CDK14: variants seen among roughly 807,000 people sequenced by gnomAD.
CDK14 encodes the protein cyclin-dependent kinase 14.
CDK14 carries 34 observed loss-of-function variants against 60.7 expected under a neutral mutation model. The ratio of observed to expected loss-of-function variants is 0.56; its 90% CI spans 0.43 to 0.75. The LOEUF is 0.75. Among genes scored for constraint, CDK14 ranks in the 30% least tolerant of loss-of-function variants. The pLI, the probability that CDK14 is intolerant of heterozygous loss-of-function variation, is 0.00. For missense variants in CDK14, 482 were observed against 564.1 expected (o/e 0.85, Z 1.47); for synonymous variants, 197 against 203.7 (o/e 0.97, Z 0.28).
intron 10 of CDK14, among the ~76,000 whole-genome samples, chr7:91,024,276 T>C (rs67230540): frequency 0.23 from 34,919 of 152,222 alleles, 4,346 homozygotes; most frequent in Middle Eastern, 0.29. Context: ...GTCTTTGTTA[T>C]ACCTGTTTTA....
At chr7:90,933,352 C>T (rs1011349670) in intron 8 of CDK14, among the ~76,000 whole-genome samples, 1 of 151,070 alleles carries the variant, frequency 6.6e-6, no homozygotes, top group Non-Finnish European at 1.5e-5. Flanking sequence ...GATTTATAAA[C>T]GGTATTGATA....
chr7:90,875,756 C>T (rs1035591040), intron 6 of CDK14, among the ~76,000 whole-genome samples: 1 of 151,750 alleles, frequency 6.6e-6, no homozygotes, highest in Non-Finnish European at 1.5e-5. Flanking sequence ...TGTCTTTTCT[C>T]TCCCGTTTTC....
intron 3 of CDK14, among the ~76,000 whole-genome samples, chr7:90,733,414 C>T (rs1802953434): frequency 6.6e-6 from 1 of 152,080 alleles, no homozygotes; most frequent in South Asian, 2.1e-4. Flanking sequence ...TCTAATTGAT[C>T]TGTCTGATAT....
At chr7:91,115,599 GAA>G (rs1799583404) in intron 13 of CDK14, among the ~76,000 whole-genome samples, 1 of 152,100 alleles carries the variant, frequency 6.6e-6, no homozygotes, top group African/African-American at 2.4e-5. Context: ...TCCACAAGAG[GAA>G]AACACTTATG....
At chr7:90,681,802 G>C (rs1801324478) in intron 2 of CDK14, among the ~76,000 whole-genome samples, 1 of 152,046 alleles carries the variant, frequency 6.6e-6, no homozygotes, top group African/African-American at 2.4e-5. Flanking sequence ...CCTGATACTG[G>C]AATTTGTAGA....
rs573059951 is a variant in CDK14, at chr7:90,778,609, C to T, written c.465-11964C>T. ...CCTTTATGCAGCCCAGAAGGCCCTT[C>T]GTGATCTGGCTCCTGTCCTCTCTAG... On this transcript the variant is annotated intron_variant, in intron 4 of 14. Transcript: ENST00000380050. 9.2e-5 allele frequency among the ~76,000 whole-genome samples: 14 copies of T among 152,304 alleles called. No homozygotes were observed. The South Asian group carries it at 1.2e-3, about 14-fold the overall frequency.
chr7:90,984,315 T>C (rs1795318913), intron 10 of CDK14, 74 bp downstream of exon 10: 2 of 919,264 alleles, frequency 2.2e-6, no homozygotes, highest in South Asian at 1.4e-5. Flanking sequence ...TCTACAGCAG[T>C]CTGTGGAAAA....
chr7:90,786,405 A>C (rs1289896064), intron 4 of CDK14, among the ~76,000 whole-genome samples: 1 of 152,310 alleles, frequency 6.6e-6, no homozygotes, highest in East Asian at 1.9e-4. Flanking sequence ...TAATTTATTG[A>C]TTCAATTTGA....
intron 3 of CDK14, among the ~76,000 whole-genome samples, chr7:90,735,472 G>A (rs1803057248): frequency 6.6e-6 from 1 of 152,222 alleles, no homozygotes; most frequent in Admixed American, 6.5e-5. Flanking sequence ...CTAAGTCCCT[G>A]ACTTGGGGCT....
At chr7:90,785,892 C>G (rs6961883) in intron 4 of CDK14, among the ~76,000 whole-genome samples, 7,243 of 151,536 alleles carry the variant, frequency 0.048, 247 homozygotes, top group South Asian at 0.1. Flanking sequence ...GACAGAGTTT[C>G]TGAAATTGAC....
intron 6 of CDK14, among the ~76,000 whole-genome samples, chr7:90,866,027 T>C (rs892734206): frequency 2.0e-5 from 3 of 152,150 alleles, no homozygotes; most frequent in Admixed American, 6.5e-5. Flanking sequence ...TATTCTACAC[T>C]TAATATCCTG....
chr7:90,820,461 A>T (rs911808690), intron 5 of CDK14, among the ~76,000 whole-genome samples: 1 of 152,104 alleles, frequency 6.6e-6, no homozygotes, highest in African/African-American at 2.4e-5. Context: ...GTGACTTCTT[A>T]TGAGAGCTTT....
At chr7:90,971,400 A>G (rs539482348) in intron 9 of CDK14, among the ~76,000 whole-genome samples, 15 of 152,192 alleles carry the variant, frequency 9.9e-5, no homozygotes, top group South Asian at 2.1e-4. Context: ...CCCGGTGGTA[A>G]TTACTCTGCC....
intron 2 of CDK14, among the ~76,000 whole-genome samples, chr7:90,617,955 G>A (rs1248014570): frequency 1.3e-5 from 2 of 152,202 alleles, no homozygotes; most frequent in Non-Finnish European, 2.9e-5. Flanking sequence ...GTTTTAACTA[G>A]CATGTTCTGA....
At chr7:91,078,519 A>AT (rs1334691395) in intron 11 of CDK14, among the ~76,000 whole-genome samples, 3 of 152,198 alleles carry the variant, frequency 2.0e-5, no homozygotes, top group African/African-American at 7.2e-5. Context: ...AGGCAGGAGA[A>AT]TCGCTTGAAT....
At chr7:90,911,777 G>A (rs1792910108) in intron 7 of CDK14, among the ~76,000 whole-genome samples, 1 of 152,098 alleles carries the variant, frequency 6.6e-6, no homozygotes, top group Admixed American at 6.6e-5. Flanking sequence ...GAATCCAATA[G>A]TGTGTGCTTT....
intron 7 of CDK14, among the ~76,000 whole-genome samples, chr7:90,912,012 C>A (rs768314760): frequency 3.3e-5 from 5 of 152,086 alleles, no homozygotes; most frequent in African/African-American, 1.2e-4. Context: ...CCCTGTTCAT[C>A]GTTTCATTAC....
At chr7:90,681,844 A>G (rs1284306489) in intron 2 of CDK14, among the ~76,000 whole-genome samples, 1 of 152,196 alleles carries the variant, frequency 6.6e-6, no homozygotes, top group Non-Finnish European at 1.5e-5. Flanking sequence ...TGTGGAAAAA[A>G]TAGCTCAATT....
chr7:90,950,113 C>A (rs1298466652), intron 8 of CDK14, among the ~76,000 whole-genome samples: 1 of 152,132 alleles, frequency 6.6e-6, no homozygotes, highest in African/African-American at 2.4e-5. Context: ...TTTTTTGAGA[C>A]GGAGTTTCGC....
Sources: allele counts gnomAD v4.1 joint callset (sites outside exome capture counted in the v4.1 genomes callset), GRCh38; gene constraint gnomAD v4.1.1; transcripts MANE v1.5; gene names NCBI Gene and HGNC (gene_info 2026-07-23, HGNC 2026-07-21).